ADAMTS2: variants seen among roughly 807,000 people sequenced by gnomAD.
The protein encoded by ADAMTS2 is A disintegrin and metalloproteinase with thrombospondin motifs 2.
Under a neutral mutation model 123.0 loss-of-function variants are expected in ADAMTS2, and 50 were observed. The ratio of observed to expected loss-of-function variants is 0.41; its 90% CI spans 0.32 to 0.51. The LOEUF (loss-of-function observed/expected upper bound fraction) is 0.51. ADAMTS2 is among the 20% of genes least tolerant of loss of function. The pLI is 0.35. For synonymous variants in ADAMTS2, 678 were observed against 695.4 expected (o/e 0.98, Z 0.39); for missense variants, 1,494 against 1,705.2 (o/e 0.88, Z 2.18).
At chr5:179,237,810 T>C (rs928856254) in intron 3 of ADAMTS2, among the ~76,000 whole-genome samples, 1 of 152,158 alleles carries the variant, frequency 6.6e-6, no homozygotes, top group African/African-American at 2.4e-5. Flanking sequence ...CCTTGATCCC[T>C]GGATTCACCA....
intron 15 of ADAMTS2, among the ~76,000 whole-genome samples, chr5:179,131,900 G>A (rs566499171): frequency 1.6e-4 from 25 of 152,298 alleles, no homozygotes; most frequent in Non-Finnish European, 3.4e-4. Flanking sequence ...CTGCCTTCCC[G>A]AGGGCAGGGG....
In ADAMTS2 at chr5:179,241,788, T is replaced by A. The variant is rs115934371; in HGVS notation, c.688+31123A>T. 5.1e-3 allele frequency among the ~76,000 whole-genome samples: 782 copies of A among 152,328 alleles called. 9 individuals are homozygous for A. Among genetic ancestry groups the A allele is most frequent in the African/African-American group, 0.017 (717 of 41,560 alleles). ...CTGAGTATGTCGAAGAGATTTACAG[T>A]GCATTAAAATAAACTATAGGCAAAA... is the stretch of plus-strand genomic sequence containing the variant. On this transcript the variant is annotated intron_variant, in intron 3 of 21. Coordinates refer to ENST00000251582, the MANE Select transcript of ADAMTS2 (RefSeq NM_014244.5).
At chr5:179,147,297 C>T (rs1335638029) in intron 10 of ADAMTS2, among the ~76,000 whole-genome samples, 1 of 152,102 alleles carries the variant, frequency 6.6e-6, no homozygotes, top group Non-Finnish European at 1.5e-5. Flanking sequence ...CCATGTTGGC[C>T]AGGCTGGTCT....
chr5:179,329,537 A>T (rs1321027074), intron 2 of ADAMTS2, among the ~76,000 whole-genome samples: 3 of 152,328 alleles, frequency 2.0e-5, no homozygotes, highest in South Asian at 4.1e-4. Context: ...AACACATTTC[A>T]CTTGAATTAA....
intron 2 of ADAMTS2, among the ~76,000 whole-genome samples, chr5:179,321,992 C>T (rs945773656): frequency 2.6e-5 from 4 of 152,160 alleles, no homozygotes; most frequent in African/African-American, 9.7e-5. Flanking sequence ...TTATATGTGG[C>T]ATGGGCAGAG....
chr5:179,211,968 C>T (rs337805), intron 3 of ADAMTS2, among the ~76,000 whole-genome samples: 38,185 of 152,170 alleles, frequency 0.25, 4,866 homozygotes, highest in South Asian at 0.27. Context: ...TTACATGACT[C>T]GGACAAGCCA....
At chr5:179,131,834 G>A (rs1350132055) in intron 15 of ADAMTS2, among the ~76,000 whole-genome samples, 2 of 152,240 alleles carry the variant, frequency 1.3e-5, no homozygotes, top group African/African-American at 4.8e-5. Context: ...CCTGACAGCT[G>A]GCCTTGCTGA....
chr5:179,159,619 C>A (rs1763558464), intron 5 of ADAMTS2, among the ~76,000 whole-genome samples: 1 of 152,298 alleles, frequency 6.6e-6, no homozygotes, highest in Middle Eastern at 3.4e-3. Flanking sequence ...CACCTGACAG[C>A]TAGGGTGGCC....
chr5:179,228,794 C>T lies in ADAMTS2; in HGVS notation c.689-21079G>A, dbSNP rs779883046. Among the ~76,000 whole-genome samples the T allele has an allele frequency of 2.0e-5, 3 of 152,232 alleles. No homozygotes were observed. Among genetic ancestry groups the T allele is most frequent in the African/African-American group, 4.8e-5 (2 of 41,456 alleles). On this transcript the variant is annotated intron_variant, in intron 3 of 21. Coordinates refer to ENST00000251582, the MANE Select transcript of ADAMTS2 (RefSeq NM_014244.5). This position sits in a 1 kb window ranked among gnomAD's most constrained non-coding sequence, Gnocchi z 5.2. ...GGGGCGGTGCCTTCACCACGGCCTC[C>T]TCATCCAGCATCCACAACTCTGGAG... is the stretch of plus-strand genomic sequence containing the variant.
chr5:179,252,206 C>T (rs1235825973), intron 3 of ADAMTS2, among the ~76,000 whole-genome samples: 2 of 151,988 alleles, frequency 1.3e-5, no homozygotes, highest in African/African-American at 2.4e-5. Context: ...GATGGGGTTT[C>T]ACCATTTTGC....
At chr5:179,290,010 C>G (rs163493) in intron 2 of ADAMTS2, among the ~76,000 whole-genome samples, 58,917 of 152,070 alleles carry the variant, frequency 0.39, 11,684 homozygotes, top group African/African-American at 0.44. Context: ...ACCAGACAAC[C>G]GACATGAGTC....
In ADAMTS2 at chr5:179,322,030, G is replaced by A. The variant is rs149083301; in HGVS notation, c.534+21737C>T. Among the ~76,000 whole-genome samples, 823 of 152,322 alleles carry A rather than the reference G, an allele frequency of 5.4e-3. 8 individuals are homozygous for A. The highest frequency in any genetic ancestry group is 0.017 in the African/African-American group (726 of 41,564). ...AGATCACAAAGGGAAGGTACAATAC[G>A]ACCCTTTTGTCATTAAGTATGTTTA... On this transcript the variant is annotated intron_variant, in intron 2 of 21. Coordinates refer to ENST00000251582, the MANE Select transcript of ADAMTS2 (RefSeq NM_014244.5).
intron 5 of ADAMTS2, among the ~76,000 whole-genome samples, chr5:179,168,153 G>C (rs1169552032): frequency 6.6e-6 from 1 of 152,160 alleles, no homozygotes; most frequent in Non-Finnish European, 1.5e-5. Context: ...CGGGCACCCT[G>C]TTCATGGCAG....
At chr5:179,209,767 G>C (rs546881874) in intron 3 of ADAMTS2, among the ~76,000 whole-genome samples, 1 of 152,210 alleles carries the variant, frequency 6.6e-6, no homozygotes, top group Non-Finnish European at 1.5e-5. Context: ...ACTCAAGCCT[G>C]ACAGGGGGGT....
rs762463826 is a variant in ADAMTS2, at chr5:179,128,019, A to C, written c.2557T>G (p.Ser853Ala). Residue 853 changes from serine (S) to alanine (A), a missense_variant, in exon 17 of 22, where the codon TCT becomes GCT. By Grantham distance (99) the Ser-to-Ala change is moderately conservative (BLOSUM62 1). Coordinates refer to ENST00000251582, the MANE Select transcript of ADAMTS2 (RefSeq NM_014244.5). This position sits in a 1 kb window ranked among gnomAD's most constrained non-coding sequence, Gnocchi z 4.9. ...TTCAGGGCCCACTCGTAGACCACAG[A>C]GTCCTCTTCCAGGACGTTGTTGTCG... ...VDDNNVLEED[S>A]VVYEWALKKW... The C allele has an allele frequency of 7.4e-6, 12 of 1,613,954 alleles. No homozygotes were observed. The African/African-American group carries it at 1.2e-4, about 16-fold the overall frequency.
chr5:179,127,835 C>T, intron 17 of ADAMTS2, 124 bp downstream of exon 17: 1 of 1,360,654 alleles, frequency 7.3e-7, no homozygotes, highest in Non-Finnish European at 1.0e-6. Context: ...CTTGCCCACC[C>T]AGGCAAAGGT....
chr5:179,282,577 T>C, intron 2 of ADAMTS2, among the ~76,000 whole-genome samples: 1 of 152,242 alleles, frequency 6.6e-6, no homozygotes, highest in Non-Finnish European at 1.5e-5. Context: ...CCTTCCTCTG[T>C]TCTTCTCCTC....
rs748037345 is a variant in ADAMTS2 at position 179,272,929 on chromosome 5, GC to G, written c.669del (p.Pro224HisfsTer23). ...GCCTCACCTGTGTCCAGGGCCTGTG[GC>G]CCCCCGAGAGGAGGGGACGTGGGTG... Reference protein sequence around the residue: ...RRPPTSPPLGGPQALDTGASL... With the variant: ...RRPPTSPPLGXPQALDTGASL... On this transcript the variant is annotated frameshift_variant, in exon 3 of 22. Transcript: ENST00000251582. LOFTEE classifies it high-confidence loss of function. This position sits in a 1 kb window ranked among gnomAD's most constrained non-coding sequence, Gnocchi z 5.8. The G allele has an allele frequency of 1.9e-6, 3 of 1,610,134 alleles. No individual in the cohort carries two copies. The highest frequency in any genetic ancestry group is 1.7e-6 in the Non-Finnish European group (2 of 1,179,956).
intron 3 of ADAMTS2, among the ~76,000 whole-genome samples, chr5:179,221,842 G>A (rs1481158913): frequency 6.6e-6 from 1 of 152,138 alleles, no homozygotes. Flanking sequence ...TCAGGCTGCT[G>A]GGCCCCCAAA....
Sources: allele counts gnomAD v4.1 joint callset (sites outside exome capture counted in the v4.1 genomes callset), GRCh38; gene constraint gnomAD v4.1.1; non-coding constraint Gnocchi (gnomAD v3.1); transcripts MANE v1.5; gene names NCBI Gene and HGNC (gene_info 2026-07-23, HGNC 2026-07-21).